ESYT2: variants seen among roughly 807,000 people sequenced by gnomAD.
ESYT2 encodes extended synaptotagmin 2.
In ESYT2, 54 loss-of-function variants were observed where a neutral mutation model predicts 107.2. The ratio of observed to expected loss-of-function variants is 0.50; its 90% CI spans 0.40 to 0.63. The LOEUF (loss-of-function observed/expected upper bound fraction) is 0.63, where lower values mean the gene tolerates loss of function less well. ESYT2 is among the 30% of genes least tolerant of loss of function. ESYT2 has a pLI of 0.00. For missense variants in ESYT2, 1,020 were observed against 1,094.5 expected, an observed-to-expected ratio of 0.93 and a Z score of 0.96; for synonymous variants, 491 against 434.1, an observed-to-expected ratio of 1.13 and a Z score of -1.63.
intron 6 of ESYT2, among the ~76,000 whole-genome samples, chr7:158,786,965 G>A (rs1459251797): frequency 6.6e-6 from 1 of 152,156 alleles, no homozygotes; most frequent in African/African-American, 2.4e-5. Context: ...GAAACAAAAG[G>A]GGTGAAGAAA....
chr7:158,762,358 T>C (rs542153475), intron 10 of ESYT2, among the ~76,000 whole-genome samples: 1 of 152,302 alleles, frequency 6.6e-6, no homozygotes, highest in African/African-American at 2.4e-5. Context: ...ATCTATCCTG[T>C]CTGGCTTAAA....
intron 15 of ESYT2, among the ~76,000 whole-genome samples, chr7:158,748,534 G>C (rs1837479774): frequency 6.6e-6 from 1 of 152,032 alleles, no homozygotes. Context: ...GCCCCAACCT[G>C]TGCGCCCACA....
intron 16 of ESYT2, among the ~76,000 whole-genome samples, chr7:158,747,895 A>C (rs1379016238): frequency 1.3e-5 from 2 of 152,274 alleles, no homozygotes; most frequent in African/African-American, 4.8e-5. Flanking sequence ...GGGTATCTGC[A>C]ACAACACAGG....
At chr7:158,788,484 G>T in intron 4 of ESYT2, 67 bp from the exon 5 acceptor site, 1 of 1,294,748 alleles carries the variant, frequency 7.7e-7, no homozygotes, top group Non-Finnish European at 1.1e-6. Context: ...TTATAGACCT[G>T]CAAGATGTAT....
chr7:158,824,815 T>C (rs1318532242), intron 1 of ESYT2, among the ~76,000 whole-genome samples: 4 of 152,130 alleles, frequency 2.6e-5, no homozygotes, highest in African/African-American at 9.7e-5. Flanking sequence ...AAAATAGTAA[T>C]GAAAAATTGC....
At chr7:158,750,425 C>T (rs1375954907) in intron 14 of ESYT2, among the ~76,000 whole-genome samples, 1 of 151,910 alleles carries the variant, frequency 6.6e-6, no homozygotes, top group Non-Finnish European at 1.5e-5. Context: ...ATAACTTAGC[C>T]CCACAAGAAG....
intron 9 of ESYT2, among the ~76,000 whole-genome samples, chr7:158,764,280 A>G (rs777593263): frequency 2.0e-5 from 3 of 152,150 alleles, no homozygotes; most frequent in Non-Finnish European, 4.4e-5. Flanking sequence ...GTAGATCTCT[A>G]TTCATTGACA....
chr7:158,733,900 C>G lies in ESYT2; in HGVS notation c.*307G>C. The G allele has an allele frequency of 5.8e-6, 2 of 342,630 alleles. No homozygotes were observed. The highest frequency in any genetic ancestry group is 6.7e-5 in the South Asian group (2 of 29,926). 21.2% of individuals were successfully genotyped at this position (342,630 alleles called of 1,614,324 possible). A position where few individuals can be genotyped will look rare whatever the true frequency, so the allele number is the denominator to read the frequency against. On this transcript the variant is annotated 3_prime_UTR_variant, in exon 23 of 23. Transcript: ENST00000275418. ...TACCTCAGTGATATATAAACAAGGC[C>G]ATAATAAAGCACAGACACATCCGAC...
chr7:158,820,902 C>G (rs1840269934), intron 1 of ESYT2, among the ~76,000 whole-genome samples: 1 of 152,290 alleles, frequency 6.6e-6, no homozygotes, highest in East Asian at 1.9e-4. Flanking sequence ...GAGTTTAAGG[C>G]CTTGTCTTAC....
intron 1 of ESYT2, among the ~76,000 whole-genome samples, chr7:158,828,268 T>C (rs1292540669): frequency 2.0e-5 from 3 of 152,160 alleles, no homozygotes; most frequent in African/African-American, 7.2e-5. Flanking sequence ...CCACCAGCTG[T>C]CATTACGTTT....
intron 6 of ESYT2, among the ~76,000 whole-genome samples, chr7:158,782,728 G>A (rs1026869046): frequency 6.6e-6 from 1 of 152,166 alleles, no homozygotes; most frequent in Non-Finnish European, 1.5e-5. Context: ...GTGTGAGAAT[G>A]AGTATGGAAG....
Position 158,829,189 on chromosome 7 carries a change from C to T in ESYT2, c.230G>A (p.Arg77His). ...GCACAGGCGCAGGGCCTTGAGGCCG[C>T]GGCTGCGGCGACACCAGGCGAGCAG... ...LALLAWCRRS[R>H]GLKALRLCRA... is the part of the protein sequence containing the mutation. The change falls in exon 1 of 23, where the codon CGC becomes CAC. Residue 77 changes from arginine (R) to histidine (H), a missense_variant. Transcript: ENST00000275418. 6.5e-7 allele frequency: 1 copy of T among 1,534,544 alleles called. No individual in the cohort carries two copies. Among genetic ancestry groups the T allele is most frequent in the Non-Finnish European group, 8.7e-7 (1 of 1,148,636 alleles).
intron 6 of ESYT2, among the ~76,000 whole-genome samples, chr7:158,778,062 A>T (rs947474579): frequency 2.0e-5 from 3 of 152,196 alleles, no homozygotes; most frequent in Non-Finnish European, 4.4e-5. Flanking sequence ...TTTCATCTTA[A>T]ATGTCGCATT....
chr7:158,743,293 C>G (rs966291758), intron 17 of ESYT2, among the ~76,000 whole-genome samples: 1 of 151,384 alleles, frequency 6.6e-6, no homozygotes, highest in African/African-American at 2.5e-5. Flanking sequence ...TGGGCCTGCT[C>G]GGGCAACCTG....
intron 3 of ESYT2, among the ~76,000 whole-genome samples, chr7:158,795,417 T>C (rs10949742): frequency 0.11 from 16,469 of 152,268 alleles, 1,350 homozygotes; most frequent in East Asian, 0.43. Context: ...CCAGCTGAGA[T>C]GGAATTTTAA....
chr7:158,801,609 G>A (rs1839649088), intron 1 of ESYT2, among the ~76,000 whole-genome samples: 1 of 150,210 alleles, frequency 6.7e-6, no homozygotes. Flanking sequence ...CAGGAACACA[G>A]GAACACAGAT....
At chr7:158,742,364 C>T (rs1311585353) in intron 17 of ESYT2, among the ~76,000 whole-genome samples, 2 of 152,234 alleles carry the variant, frequency 1.3e-5, no homozygotes, top group Non-Finnish European at 2.9e-5. Flanking sequence ...CCCCAGGCCA[C>T]GTCTCAGGCA....
At chr7:158,819,606 C>A (rs754206495) in intron 1 of ESYT2, among the ~76,000 whole-genome samples, 1 of 152,200 alleles carries the variant, frequency 6.6e-6, no homozygotes, top group Non-Finnish European at 1.5e-5. Context: ...ACAAAATCCA[C>A]GGAAATGTTG....
Position 158,741,618 on chromosome 7 carries a change from G to A in ESYT2, c.2073C>T (p.His691=), listed in dbSNP as rs775734975. ...SSSSLLASPG[H]ISVKEPTPSI... ...TGGGGGTCGGCTCCTTGACTGAGAT[G>A]TGGCCTGGGGAGGCCAGGAGGCTGG... The change falls in exon 18 of 23, where the codon CAC becomes CAT. Residue 691 remains histidine, a synonymous_variant. Coordinates refer to ENST00000275418, the MANE Select transcript of ESYT2 (RefSeq NM_001367773.1). The A allele has an allele frequency of 6.8e-6, 11 of 1,613,166 alleles. No homozygotes were observed. The highest frequency in any genetic ancestry group is 9.3e-6 in the Non-Finnish European group (11 of 1,179,998).
Sources: allele counts gnomAD v4.1 joint callset (sites outside exome capture counted in the v4.1 genomes callset), GRCh38; gene constraint gnomAD v4.1.1; transcripts MANE v1.5; gene names NCBI Gene and HGNC (gene_info 2026-07-23, HGNC 2026-07-21).